LRRC37B: variants seen among roughly 807,000 people sequenced by gnomAD.
The protein encoded by LRRC37B is leucine-rich repeat-containing protein 37B.
Under a neutral mutation model 98.3 loss-of-function variants are expected in LRRC37B, and 28 were observed. The ratio of observed to expected loss-of-function variants is 0.28; its 90% CI spans 0.21 to 0.39. The LOEUF is 0.39. Among genes scored for constraint, LRRC37B ranks in the 10% least tolerant of loss-of-function variants. The probability of loss-of-function intolerance (pLI) is 1.00; values close to 1 mark genes in which losing one functional copy is unlikely to be tolerated. For synonymous variants in LRRC37B, 364 were observed against 442.7 expected (o/e 0.82, Z 2.23); for missense variants, 938 against 1,182.7 (o/e 0.79, Z 3.03).
At chr17:32,042,196 A>G (rs1340212762) in intron 7 of LRRC37B, 17 of 243,486 alleles carry the variant, frequency 7.0e-5, no homozygotes, top group Non-Finnish European at 1.3e-4. Context: ...GCTCCCCTCA[A>G]CCAGGACAGA....
intron 1 of LRRC37B, among the ~76,000 whole-genome samples, chr17:32,015,476 T>C (rs1306715274): frequency 6.6e-6 from 1 of 152,216 alleles, no homozygotes; most frequent in Non-Finnish European, 1.5e-5. Flanking sequence ...TATACCAATA[T>C]TGAGTGAGGC....
chr17:32,020,909 T>A (rs1214013766), upstream of LRRC37B: 2 of 1,250,302 alleles, frequency 1.6e-6, no homozygotes, highest in Non-Finnish European at 2.1e-6. Flanking sequence ...GCCCAAATCC[T>A]TCCTCACTAA....
exon 12 of LRRC37B, chr17:32,053,331 A>C (rs770735131): frequency 2.1e-5 from 33 of 1,603,220 alleles, no homozygotes; most frequent in Admixed American, 3.5e-5. Flanking sequence ...GAGCCTGAGC[A>C]TGAGTTAAAG....
Position 32,046,606 on chromosome 17 carries a change from T to C in LRRC37B, c.2323+788T>C, listed in dbSNP as rs574641306. Among the ~76,000 whole-genome samples, 332 of 151,244 alleles carry C rather than the reference T, an allele frequency of 2.2e-3. 1 individual carries two copies. Among genetic ancestry groups the C allele is most frequent in the South Asian group, 4.8e-3 (23 of 4,818 alleles). On this transcript the variant is annotated intron_variant, in intron 8 of 11. Transcript: ENST00000327564. ...AAAACTTTTTCTTTTTTTCTTTTTT[T>C]TTTTTTTTTTTACCAATTATATTCT...
intron 7 of LRRC37B, among the ~76,000 whole-genome samples, chr17:32,043,066 A>T (rs1911488962): frequency 1.3e-5 from 2 of 152,074 alleles, no homozygotes; most frequent in Admixed American, 1.3e-4. Flanking sequence ...AAGGGTCATT[A>T]TGTCTGCAAC....
chr17:32,025,486 A>C (rs1196794809), intron 2 of LRRC37B, among the ~76,000 whole-genome samples: 1 of 151,584 alleles, frequency 6.6e-6, no homozygotes, highest in African/African-American at 2.4e-5. Context: ...ACATATTTAC[A>C]TAAAGCAAAA....
chr17:32,034,874 A>AAATGC, intron 5 of LRRC37B, 36 bp from the exon 9 acceptor site: 1 of 1,513,252 alleles, frequency 6.6e-7, no homozygotes. Flanking sequence ...CACACATTGA[A>AAATGC]AATGCAGGTA....
chr17:32,017,529 A>G (rs1910670649), upstream of LRRC37B, among the ~76,000 whole-genome samples: 1 of 152,194 alleles, frequency 6.6e-6, no homozygotes, highest in Non-Finnish European at 1.5e-5. Flanking sequence ...GTGAGACCGG[A>G]CATGGTGACC....
intron 7 of LRRC37B, among the ~76,000 whole-genome samples, chr17:32,036,978 T>C (rs1911262415): frequency 9.3e-6 from 1 of 106,986 alleles, no homozygotes; most frequent in African/African-American, 6.0e-5. Context: ...TCTTCAGCAT[T>C]TTTTTTTTTT....
At chr17:32,053,179 A>T in intron 11 of LRRC37B, 87 bp from the exon 15 acceptor site, 1 of 880,210 alleles carries the variant, frequency 1.1e-6, no homozygotes, top group Non-Finnish European at 1.9e-6. Flanking sequence ...GGTAGATGAG[A>T]CTTAAAATGA....
At chr17:32,021,890 T>A (rs1213023956) in exon 1 of LRRC37B, 1 of 1,614,036 alleles carries the variant, frequency 6.2e-7, no homozygotes, top group Non-Finnish European at 8.5e-7. Flanking sequence ...CAGATGAGCC[T>A]CCAGGGCCTC....
chr17:32,025,039 T>TTG (rs1910913086), intron 2 of LRRC37B, among the ~76,000 whole-genome samples: 1 of 119,876 alleles, frequency 8.3e-6, no homozygotes, highest in Non-Finnish European at 1.9e-5. Flanking sequence ...CGTTTTTTTT[T>TTG]TTTTTTTTTT....
rs140351255 is a variant in LRRC37B, at chr17:32,021,328, A to T, written c.263A>T (p.His88Leu). The T allele has an allele frequency of 1.9e-4, 309 of 1,613,838 alleles. No individual in the cohort carries two copies. In the African/African-American group the frequency reaches 3.7e-3, roughly 19 times the overall value. ...TCCCATCTCCCATGGGAATCTCCCC[A>T]TGCACCTGCTCCCCCAGCAGCCCCG... The change falls in exon 1 of 12, where the codon CAT (histidine) becomes CTT (leucine). Residue 88 changes from histidine (H) to leucine (L), a missense_variant. Coordinates refer to ENST00000327564, the Ensembl canonical transcript of LRRC37B.
chr17:32,049,270 A>T (rs1416707052), exon 10 of LRRC37B: 4 of 1,613,438 alleles, frequency 2.5e-6, no homozygotes, highest in Non-Finnish European at 3.4e-6. Flanking sequence ...CTCCTGATGA[A>T]GCTTCTCAGC....
At chr17:32,021,681 G>A (rs765239663) in exon 1 of LRRC37B, 2 of 1,614,104 alleles carry the variant, frequency 1.2e-6, no homozygotes, top group Admixed American at 1.7e-5. Flanking sequence ...AGACAGTAAG[G>A]TTTCAAGACC....
intron 1 of LRRC37B, among the ~76,000 whole-genome samples, chr17:32,010,823 A>C (rs929088685): frequency 2.0e-5 from 3 of 152,160 alleles, no homozygotes; most frequent in Non-Finnish European, 4.4e-5. Context: ...CCATCATTCT[A>C]CTGCCTATCT....
chr17:32,029,982 A>G (rs1295088432), intron 3 of LRRC37B, among the ~76,000 whole-genome samples: 1 of 151,998 alleles, frequency 6.6e-6, no homozygotes, highest in African/African-American at 2.4e-5. Context: ...TGTGGAGGAT[A>G]GTTTAGGAAG....
chr17:32,045,464 C>T (rs1911545672), intron 7 of LRRC37B: 1 of 510,440 alleles, frequency 2.0e-6, no homozygotes, highest in East Asian at 3.3e-5. Flanking sequence ...CAGTGTCACC[C>T]AATTCTAATC....
chr17:32,019,177 T>G (rs1910709948), upstream of LRRC37B, among the ~76,000 whole-genome samples: 1 of 152,316 alleles, frequency 6.6e-6, no homozygotes, highest in Admixed American at 6.5e-5. Flanking sequence ...TCCACCCACC[T>G]CTGCATCCCA....
Sources: allele counts gnomAD v4.1 joint callset (sites outside exome capture counted in the v4.1 genomes callset), GRCh38; gene constraint gnomAD v4.1.1; transcripts MANE v1.5; gene names NCBI Gene and HGNC (gene_info 2026-07-23, HGNC 2026-07-21).